The following SYNPO2 variants were observed in gnomAD, a reference collection of about 807,000 sequenced individuals.
SYNPO2 encodes the protein synaptopodin-2.
Under a neutral mutation model 85.0 loss-of-function variants are expected in SYNPO2, and 56 were observed. That is an observed-to-expected ratio of 0.66 (90% CI 0.53 to 0.82). SYNPO2 has a LOEUF of 0.82. Ranked by LOEUF, SYNPO2 falls within the 40% of genes least tolerant of loss-of-function variation. The probability of loss-of-function intolerance (pLI) is 0.00; values close to 1 mark genes in which losing one functional copy is unlikely to be tolerated. For missense variants in SYNPO2, 1,575 were observed against 1,534.2 expected (o/e 1.03, Z -0.44); for synonymous variants, 602 against 591.1 (o/e 1.02, Z -0.27).
intron 1 of SYNPO2, among the ~76,000 whole-genome samples, chr4:118,942,262 C>T (rs187589084): frequency 9.1e-4 from 139 of 152,270 alleles, no homozygotes; most frequent in African/African-American, 3.3e-3. Context: ...TGGGAAGGTA[C>T]GTATCTCACT....
At chr4:118,944,603 C>T (rs962158690) in intron 1 of SYNPO2, among the ~76,000 whole-genome samples, 5 of 151,792 alleles carry the variant, frequency 3.3e-5, no homozygotes, top group South Asian at 2.1e-4. Context: ...TGGTTCAGGC[C>T]GTGTTTTACC....
At chr4:118,879,611 G>A (rs1431854161) in intron 1 of SYNPO2, among the ~76,000 whole-genome samples, 1 of 152,132 alleles carries the variant, frequency 6.6e-6, no homozygotes, top group African/African-American at 2.4e-5. Context: ...CCAGACCTGT[G>A]GGAAACACAT....
intron 1 of SYNPO2, among the ~76,000 whole-genome samples, chr4:118,898,949 G>C (rs753002231): frequency 1.3e-5 from 2 of 152,206 alleles, no homozygotes; most frequent in Non-Finnish European, 2.9e-5. Flanking sequence ...AAAATGCTTG[G>C]AGAAATTGTA....
chr4:118,935,605 C>T (rs1005352641), intron 1 of SYNPO2, among the ~76,000 whole-genome samples: 2 of 152,226 alleles, frequency 1.3e-5, no homozygotes, highest in African/African-American at 4.8e-5. Flanking sequence ...AATAAGTTGG[C>T]CGTTGAAAAA....
chr4:119,007,229 TATATATATATATATATGTATATAC>T lies in SYNPO2; in HGVS notation c.106-16184_106-16161del, dbSNP rs1439370951. 9.2e-3 allele frequency among the ~76,000 whole-genome samples: 441 copies of T among 47,896 alleles called. 3 individuals are homozygous for T. The highest frequency in any genetic ancestry group is 0.033 in the Middle Eastern group (3 of 90). The allele number at this position is 47,896 out of a possible 152,430, so 31.4% of individuals were successfully genotyped here. ...AAAAGAACAAAGGTATATATATATA[TATATATATATATATATGTATATAC>T]ATATATATATATATATATATATGTA... On this transcript the variant is annotated intron_variant, in intron 1 of 4. Transcript: ENST00000307142.
chr4:118,972,572 C>A (rs138052559), intron 1 of SYNPO2, among the ~76,000 whole-genome samples: 73 of 152,298 alleles, frequency 4.8e-4, no homozygotes, highest in Admixed American at 1.7e-3. Flanking sequence ...ACTGTAAGGG[C>A]AGTTTGTCTA....
intron 1 of SYNPO2, among the ~76,000 whole-genome samples, chr4:118,882,068 T>C (rs1302054662): frequency 2.0e-5 from 3 of 152,258 alleles, no homozygotes; most frequent in Admixed American, 2.0e-4. Context: ...CTTTCAGAAG[T>C]TAACAATAAG....
At chr4:119,040,402 G>A (rs1421321986) in intron 4 of SYNPO2, among the ~76,000 whole-genome samples, 1 of 152,088 alleles carries the variant, frequency 6.6e-6, no homozygotes, top group Non-Finnish European at 1.5e-5. Flanking sequence ...TCTTCTTACT[G>A]AAGTTTATAT....
chr4:118,909,956 T>G (rs1733080124), intron 1 of SYNPO2, among the ~76,000 whole-genome samples: 1 of 152,212 alleles, frequency 6.6e-6, no homozygotes, highest in African/African-American at 2.4e-5. Flanking sequence ...GTTCCTGATC[T>G]CTTCCATTTG....
At chr4:118,909,816 C>G (rs933131642) in intron 1 of SYNPO2, among the ~76,000 whole-genome samples, 1 of 152,172 alleles carries the variant, frequency 6.6e-6, no homozygotes, top group African/African-American at 2.4e-5. Context: ...CAGGGCCCAG[C>G]CTGAGTCCAT....
intron 1 of SYNPO2, among the ~76,000 whole-genome samples, chr4:118,916,771 C>T (rs1717474704): frequency 8.0e-6 from 1 of 125,628 alleles, no homozygotes; most frequent in Admixed American, 1.0e-4. Flanking sequence ...CTTACTCTGT[C>T]CCCCGGGCTG....
At chr4:118,863,307 A>G (rs1236634053) in intron 1 of SYNPO2, among the ~76,000 whole-genome samples, 2 of 152,004 alleles carry the variant, frequency 1.3e-5, no homozygotes, top group East Asian at 3.9e-4. Flanking sequence ...TTGCTGGAGG[A>G]CTTTTTATTA....
intron 1 of SYNPO2, among the ~76,000 whole-genome samples, chr4:118,951,388 TGA>T (rs1734690956): frequency 6.6e-6 from 1 of 152,178 alleles, no homozygotes; most frequent in African/African-American, 2.4e-5. Flanking sequence ...ATCCCATTCA[TGA>T]GAGCTCTGTC....
intron 1 of SYNPO2, among the ~76,000 whole-genome samples, chr4:118,882,324 T>C (rs1348530936): frequency 1.3e-5 from 2 of 152,370 alleles, no homozygotes; most frequent in East Asian, 3.9e-4. Flanking sequence ...AGCTATTGTT[T>C]AAATTTCATT....
At chr4:118,933,253 T>G (rs1030703797) in intron 1 of SYNPO2, among the ~76,000 whole-genome samples, 3 of 152,178 alleles carry the variant, frequency 2.0e-5, no homozygotes, top group Non-Finnish European at 4.4e-5. Context: ...AGTCATGTTA[T>G]TTAGGGTAGT....
intron 1 of SYNPO2, among the ~76,000 whole-genome samples, chr4:118,951,913 A>T (rs1457352613): frequency 6.6e-6 from 1 of 152,150 alleles, no homozygotes; most frequent in Non-Finnish European, 1.5e-5. Flanking sequence ...CCAGAATTAA[A>T]CTTCTCCTTC....
chr4:118,926,784 A>G (rs992702127), intron 1 of SYNPO2, among the ~76,000 whole-genome samples: 2 of 152,202 alleles, frequency 1.3e-5, no homozygotes, highest in Admixed American at 6.5e-5. Flanking sequence ...GATGATTATT[A>G]TAGTCAAATA....
chr4:118,988,752 C>A (rs1017902924), intron 1 of SYNPO2, among the ~76,000 whole-genome samples: 3 of 152,176 alleles, frequency 2.0e-5, no homozygotes, highest in Admixed American at 1.3e-4. Flanking sequence ...GCTGTGAGAG[C>A]TACAGGAGCC....
chr4:118,917,848 G>T (rs373529274), intron 1 of SYNPO2, among the ~76,000 whole-genome samples: 3 of 152,312 alleles, frequency 2.0e-5, no homozygotes, highest in Middle Eastern at 6.8e-3. Flanking sequence ...ATTTGTGATA[G>T]AAATACTTTG....
Sources: allele counts gnomAD v4.1 joint callset (sites outside exome capture counted in the v4.1 genomes callset), GRCh38; gene constraint gnomAD v4.1.1; transcripts MANE v1.5; gene names NCBI Gene and HGNC (gene_info 2026-07-23, HGNC 2026-07-21).